Variants in ARHGAP5 observed in about 807,000 individuals in gnomAD.
The protein encoded by ARHGAP5 is rho GTPase-activating protein 5.
ARHGAP5 carries 23 observed loss-of-function variants against 116.6 expected under a neutral mutation model. The ratio of observed to expected loss-of-function variants is 0.20; its 90% CI spans 0.14 to 0.28. The LOEUF (loss-of-function observed/expected upper bound fraction) is 0.28, where lower values mean the gene tolerates loss of function less well. ARHGAP5 is among the 10% of genes least tolerant of loss of function. The pLI is 1.00. For missense variants in ARHGAP5, 1,405 were observed against 1,774.8 expected, an observed-to-expected ratio of 0.79 and a Z score of 3.74; for synonymous variants, 574 against 602.0, an observed-to-expected ratio of 0.95 and a Z score of 0.68.
intron 2 of ARHGAP5, among the ~76,000 whole-genome samples, chr14:32,105,444 T>C (rs1278067316): frequency 1.3e-5 from 2 of 152,172 alleles, no homozygotes; most frequent in African/African-American, 4.8e-5. Context: ...ATAAAGATTC[T>C]ATTTTGAGCT....
chr14:32,082,647 C>T (rs1245884224), intron 1 of ARHGAP5, among the ~76,000 whole-genome samples: 2 of 152,152 alleles, frequency 1.3e-5, no homozygotes, highest in Admixed American at 1.3e-4. Context: ...TCAAGCTATT[C>T]TCCTGCCTCA....
chr14:32,087,194 A>T (rs56353957), intron 1 of ARHGAP5, among the ~76,000 whole-genome samples: 4,346 of 151,684 alleles, frequency 0.029, 62 homozygotes, highest in Non-Finnish European at 0.039. Context: ...AAAACAATAA[A>T]TTTTTTTTGT....
chr14:32,152,574 A>G (rs1337819228), intron 6 of ARHGAP5, 46 bp downstream of exon 6: 7 of 974,658 alleles, frequency 7.2e-6, no homozygotes, highest in Non-Finnish European at 9.2e-6. Context: ...AATGCACTAC[A>G]CATTTCAAAC....
rs143376433 is a variant in ARHGAP5, at chr14:32,140,460, G to A, written c.3866-5803G>A. ...AAATTAGCCAGGTGTGTTGGCGGGC[G>A]CATGCTGTAGTCCTAACTACTCTGG... On this transcript the variant is annotated intron_variant, in intron 3 of 6. Coordinates refer to ENST00000345122, the MANE Select transcript of ARHGAP5 (RefSeq NM_001030055.2). 3.3e-3 allele frequency among the ~76,000 whole-genome samples: 499 copies of A among 151,910 alleles called. 1 individual carries two copies. Among genetic ancestry groups the A allele is most frequent in the African/African-American group, 0.011 (471 of 41,434 alleles).
chr14:32,093,458 T>A lies in ARHGAP5; in HGVS notation c.2789T>A (p.Val930Asp). The change falls in exon 2 of 7, where the codon GTC becomes GAC. Residue 930 changes from valine to aspartate, a missense_variant. Val to Asp is a radical substitution (Grantham distance 152). This residue lies in a region of ARHGAP5 where 944 missense variants were observed against 1,095.3 expected (regional missense o/e 0.86). Coordinates refer to ENST00000345122, the MANE Select transcript of ARHGAP5 (RefSeq NM_001030055.2). ...SLSQYHRQTE[V>D]FTLFFSDVLE... The stretch of plus-strand genomic sequence containing the variant: ...TCTCAGTATCATCGGCAAACTGAGG[T>A]CTTTACTCTGTTTTTTAGTGATGTT... The A allele has an allele frequency of 1.2e-6, 2 of 1,613,120 alleles. No homozygotes were observed. The highest frequency in any genetic ancestry group is 1.7e-6 in the Non-Finnish European group (2 of 1,179,720).
In ARHGAP5 at chr14:32,092,794, A is replaced by G. The variant is rs1420389856; in HGVS notation, c.2125A>G (p.Lys709Glu). Residue 709 changes from lysine (K) to glutamate (E), a missense_variant, in exon 2 of 7, where the codon AAG becomes GAG. Lys to Glu is a moderately conservative substitution (Grantham distance 56). This residue lies in a region of ARHGAP5 where 944 missense variants were observed against 1,095.3 expected (regional missense o/e 0.86). Transcript: ENST00000345122. The surrounding 1 kb of genome is among the most constrained non-coding windows in gnomAD (Gnocchi z 4.1). Reference sequence around the variant, plus strand: ...GGCTAATCAGAGAGATTCCATTAGTAAGAATCTACCAATTCTCAGGCACCA... The same window carrying G: ...GGCTAATCAGAGAGATTCCATTAGTGAGAATCTACCAATTCTCAGGCACCA... ...ILANQRDSIS[K>E]NLPILRHQGQ... 2 of 1,614,006 alleles carry G rather than the reference A, an allele frequency of 1.2e-6. No individual in the cohort carries two copies. The highest frequency in any genetic ancestry group is 1.7e-6 in the Non-Finnish European group (2 of 1,179,874).
chr14:32,103,609 C>G (rs1378432324), intron 2 of ARHGAP5, among the ~76,000 whole-genome samples: 1 of 152,116 alleles, frequency 6.6e-6, no homozygotes. Flanking sequence ...ACAGTTGTTA[C>G]TATTGCAAGA....
intron 3 of ARHGAP5, among the ~76,000 whole-genome samples, chr14:32,131,808 C>A (rs142306155): frequency 0.024 from 3,668 of 152,138 alleles, 52 homozygotes; most frequent in Non-Finnish European, 0.037. Flanking sequence ...TTATTCAGTT[C>A]CCACCTATGA....
At chr14:32,086,505 A>C (rs2041830762) in intron 1 of ARHGAP5, among the ~76,000 whole-genome samples, 1 of 150,716 alleles carries the variant, frequency 6.6e-6, no homozygotes. Context: ...GAGAGCAGTA[A>C]AAGTAGAAAA....
chr14:32,096,929 T>C (rs1362729562), intron 2 of ARHGAP5, among the ~76,000 whole-genome samples: 1 of 152,198 alleles, frequency 6.6e-6, no homozygotes, highest in Admixed American at 6.5e-5. Context: ...AACCTCAATT[T>C]TGAAATCGAC....
At position 32,090,642 on chromosome 14, in the gene ARHGAP5, A is replaced by C. The variant is rs758617626; in HGVS notation, c.-28A>C. Reference sequence around the variant, plus strand: ...ATGAGAAGCATATCTGGTTACCTTTATGAATGTAGAGACATGAGAAGAGAG... The same window carrying C: ...ATGAGAAGCATATCTGGTTACCTTTCTGAATGTAGAGACATGAGAAGAGAG... On this transcript the variant is annotated 5_prime_UTR_variant, in exon 2 of 7. The change abolishes an upstream ATG in the 5' untranslated region. Transcript: ENST00000345122. 1 of 1,528,342 alleles carries C rather than the reference A, an allele frequency of 6.5e-7. No homozygotes were observed. 94.7% of individuals were successfully genotyped at this position (1,528,342 alleles called of 1,614,324 possible). A position where few individuals can be genotyped will look rare whatever the true frequency, so the allele number is the denominator to read the frequency against.
chr14:32,082,527 T>C (rs1017701766), intron 1 of ARHGAP5, among the ~76,000 whole-genome samples: 8 of 152,132 alleles, frequency 5.3e-5, no homozygotes, highest in African/African-American at 1.9e-4. Context: ...TTGTCTTGCA[T>C]TGCTCTTTTA....
At chr14:32,099,041 G>A (rs1878669031) in intron 2 of ARHGAP5, among the ~76,000 whole-genome samples, 1 of 152,156 alleles carries the variant, frequency 6.6e-6, no homozygotes, top group South Asian at 2.1e-4. Context: ...GGAGTTGGGA[G>A]GGAGAGTGTT....
At chr14:32,107,783 A>G (rs1401224638) in intron 2 of ARHGAP5, among the ~76,000 whole-genome samples, 2 of 152,214 alleles carry the variant, frequency 1.3e-5, no homozygotes, top group Non-Finnish European at 2.9e-5. Flanking sequence ...AATGAGTAGA[A>G]GTATCAAAGT....
Position 32,150,002 on chromosome 14 carries a change from T to C in ARHGAP5, c.4044T>C (p.Tyr1348=), listed in dbSNP as rs1019625028. The C allele has an allele frequency of 6.2e-7, 1 of 1,607,286 alleles. No homozygotes were observed. Among genetic ancestry groups the C allele is most frequent in the Non-Finnish European group, 8.5e-7 (1 of 1,176,960 alleles). ...ATCTGCCAGATCCTTTAATTCCATA[T>C]TCTCTTCATCCAGAACTATTGGAAG... is the stretch of plus-strand genomic sequence containing the variant. ...FADLPDPLIP[Y]SLHPELLEAA... The change falls in exon 5 of 7, where the codon TAT becomes TAC. Residue 1348 remains tyrosine, a synonymous_variant. Transcript: ENST00000345122.
chr14:32,078,814 A>G (rs986569394), intron 1 of ARHGAP5, among the ~76,000 whole-genome samples: 4 of 152,242 alleles, frequency 2.6e-5, no homozygotes, highest in Admixed American at 6.5e-5. Context: ...GTTTAAAAAT[A>G]CGTTAATGAA....
intron 3 of ARHGAP5, among the ~76,000 whole-genome samples, chr14:32,140,086 G>GT (rs1566681639): frequency 3.2e-4 from 14 of 43,618 alleles, no homozygotes; most frequent in Non-Finnish European, 4.8e-4. Context: ...TTTTTTTTTA[G>GT]GTTATTTGTT....
At position 32,136,562 on chromosome 14, in the gene ARHGAP5, T is replaced by C. The variant is rs550678724; in HGVS notation, c.3866-9701T>C. 3.9e-5 allele frequency among the ~76,000 whole-genome samples: 6 copies of C among 152,354 alleles called. No individual in the cohort carries two copies. In the East Asian group the frequency reaches 1.2e-3, roughly 29 times the overall value. On this transcript the variant is annotated intron_variant, in intron 3 of 6. Transcript: ENST00000345122. ...TTTTGGCTATTGTGAATAGTGCTGC[T>C]GTGAATGTTTGTGTAAGTATTTGTT... is the stretch of plus-strand genomic sequence containing the variant.
intron 3 of ARHGAP5, among the ~76,000 whole-genome samples, chr14:32,121,496 TAATGTTTTAAAATCA>T (rs1879888372): frequency 6.6e-6 from 1 of 151,572 alleles, no homozygotes; most frequent in South Asian, 2.1e-4. Flanking sequence ...TTTAAATCTA[TAATGTTTTAAAATCA>T]CCATACATGT....
Sources: gnomAD v4.1 joint callset for allele counts (sites outside exome capture counted in the v4.1 genomes callset) on GRCh38, gnomAD v4.1.1 for gene constraint, gnomAD v4.1.1 regional missense constraint, Gnocchi (gnomAD v3.1) non-coding constraint, MANE v1.5 for transcripts, NCBI Gene and HGNC (gene_info 2026-07-23, HGNC 2026-07-21) for gene names.